The following BMERB1 variants were observed in gnomAD, a reference collection of about 807,000 sequenced individuals.
BMERB1 encodes bMERB domain containing 1, also known as bMERB domain-containing protein 1.
BMERB1 carries 12 observed loss-of-function variants against 23.6 expected under a neutral mutation model. That is an observed-to-expected ratio of 0.51 (90% confidence interval 0.33 to 0.82). BMERB1 has a LOEUF of 0.82. BMERB1 is among the 40% of genes least tolerant of loss of function. The pLI is 0.03. For synonymous variants in BMERB1, 122 were observed against 96.6 expected (o/e 1.26, Z -1.54); for missense variants, 247 against 255.4 (o/e 0.97, Z 0.22).
intron 1 of BMERB1, among the ~76,000 whole-genome samples, chr16:15,493,154 A>G (rs1041083525): frequency 1.1e-4 from 16 of 152,050 alleles, no homozygotes; most frequent in Non-Finnish European, 2.1e-4. Flanking sequence ...GGAGTTCAAG[A>G]CCAGCCTGAC....
chr16:15,541,070 G>T lies in BMERB1; in HGVS notation c.230+25642G>T, dbSNP rs144330430. ...CCGGAGCCACCCACCCTTCTGCCTG[G>T]CCAATTACAAACTTGGGGGTTCCCA... On this transcript the variant is annotated intron_variant, in intron 2 of 5. Coordinates refer to ENST00000300006, the MANE Select transcript of BMERB1 (RefSeq NM_033201.3). Among the ~76,000 whole-genome samples the T allele has an allele frequency of 4.4e-3, 670 of 152,060 alleles. 10 individuals are homozygous for T. Among genetic ancestry groups the T allele is most frequent in the Middle Eastern group, 0.017 (5 of 294 alleles).
In BMERB1 at chr16:15,450,187, G is replaced by A. The variant is rs554560852; in HGVS notation, c.106+15428G>A. Among the ~76,000 whole-genome samples the A allele has an allele frequency of 2.0e-5, 3 of 152,300 alleles. No individual in the cohort carries two copies. In the East Asian group the frequency reaches 5.8e-4, roughly 29 times the overall value. On this transcript the variant is annotated intron_variant, in intron 1 of 5. Transcript: ENST00000300006. ...AGCTGCCATAGACAGGCACCTAAGT[G>A]AATGGATGTGGCTATGTTTTGTTTC...
intron 3 of BMERB1, among the ~76,000 whole-genome samples, chr16:15,570,639 G>A (rs370097375): frequency 1.5e-4 from 23 of 152,280 alleles, no homozygotes; most frequent in East Asian, 9.6e-4. Context: ...GGGCGAGTCC[G>A]TAAAGTGAAA....
At chr16:15,471,735 A>G (rs2051230689) in intron 1 of BMERB1, among the ~76,000 whole-genome samples, 1 of 151,936 alleles carries the variant, frequency 6.6e-6, no homozygotes, top group Non-Finnish European at 1.5e-5. Context: ...ACAAGCATGC[A>G]CCACCACGCC....
Position 15,444,090 on chromosome 16 carries a change from T to C in BMERB1, c.106+9331T>C, listed in dbSNP as rs2050965303. Among the ~76,000 whole-genome samples, 3 of 137,988 alleles carry C rather than the reference T, an allele frequency of 2.2e-5. No individual in the cohort carries two copies. The Admixed American group carries it at 2.3e-4, about 11-fold the overall frequency. 90.5% of individuals were successfully genotyped at this position (137,988 alleles called of 152,430 possible). ...TGTCTGCCCCAGGCACAGAGGTGAA[T>C]ATTCCAAAGGCCAGGGTCCAGGCAC... On this transcript the variant is annotated intron_variant, in intron 1 of 5. Coordinates refer to ENST00000300006, the MANE Select transcript of BMERB1 (RefSeq NM_033201.3).
intron 1 of BMERB1, among the ~76,000 whole-genome samples, chr16:15,444,020 G>A (rs563811640): frequency 6.6e-6 from 1 of 151,468 alleles, no homozygotes; most frequent in Admixed American, 6.6e-5. Context: ...GGCTAAACAG[G>A]GTTTCAAAAG....
chr16:15,469,374 A>G (rs1157042211), intron 1 of BMERB1, among the ~76,000 whole-genome samples: 2 of 152,224 alleles, frequency 1.3e-5, no homozygotes, highest in Non-Finnish European at 2.9e-5. Context: ...GTAACACAGT[A>G]ACACAGTCTT....
chr16:15,525,112 A>G (rs1033408872), intron 2 of BMERB1, among the ~76,000 whole-genome samples: 1 of 152,138 alleles, frequency 6.6e-6, no homozygotes, highest in Non-Finnish European at 1.5e-5. Context: ...TAAACTGAGT[A>G]AAGCAGACTG....
At chr16:15,542,795 G>A (rs1020455875) in intron 2 of BMERB1, among the ~76,000 whole-genome samples, 1 of 152,020 alleles carries the variant, frequency 6.6e-6, no homozygotes. Flanking sequence ...GGTGTGGCTC[G>A]CTTACTTGGC....
intron 1 of BMERB1, among the ~76,000 whole-genome samples, chr16:15,463,406 G>A (rs1461328550): frequency 6.6e-6 from 1 of 152,110 alleles, no homozygotes; most frequent in Non-Finnish European, 1.5e-5. Context: ...AAATACGCTT[G>A]AAGGCATCCT....
rs561024592 is a variant in BMERB1 at position 15,510,384 on chromosome 16, G to A, written c.107-4921G>A. Reference sequence around the variant, plus strand: ...CAGCGCTGAGCCTTTGTTTCTTTGCGAAAATGAGAACCTACTGAACTTGCT... The same window carrying A: ...CAGCGCTGAGCCTTTGTTTCTTTGCAAAAATGAGAACCTACTGAACTTGCT... On this transcript the variant is annotated intron_variant, in intron 1 of 5. Transcript: ENST00000300006. Among the ~76,000 whole-genome samples, 17 of 152,244 alleles carry A rather than the reference G, an allele frequency of 1.1e-4. No individual in the cohort carries two copies. The East Asian group carries it at 2.5e-3, about 23-fold the overall frequency.
chr16:15,516,433 T>C (rs772909535), intron 2 of BMERB1, among the ~76,000 whole-genome samples: 2 of 151,774 alleles, frequency 1.3e-5, no homozygotes, highest in African/African-American at 4.8e-5. Context: ...AAGAAAAAAA[T>C]TAAAAATACA....
chr16:15,557,684 G>C (rs947931562), intron 2 of BMERB1, among the ~76,000 whole-genome samples: 1 of 152,172 alleles, frequency 6.6e-6, no homozygotes, highest in African/African-American at 2.4e-5. Flanking sequence ...AAACTGCAGT[G>C]CAGAAACTGG....
At chr16:15,513,103 C>CT (rs2051692832) in intron 1 of BMERB1, among the ~76,000 whole-genome samples, 1 of 152,042 alleles carries the variant, frequency 6.6e-6, no homozygotes, top group South Asian at 2.1e-4. Flanking sequence ...TGCCCCGAGT[C>CT]TCCCCCACTA....
chr16:15,522,183 A>C (rs1446129583), intron 2 of BMERB1, among the ~76,000 whole-genome samples: 1 of 152,156 alleles, frequency 6.6e-6, no homozygotes, highest in Non-Finnish European at 1.5e-5. Context: ...ATGCCCTGCC[A>C]CTCAGCTTGC....
At chr16:15,444,152 G>GTTTTT (rs2050970099) in intron 1 of BMERB1, among the ~76,000 whole-genome samples, 1 of 19,842 alleles carries the variant, frequency 5.0e-5, no homozygotes, top group Non-Finnish European at 1.1e-4. Context: ...TTTTTTTTTG[G>GTTTTT]CTGTTTCTTT....
At chr16:15,522,092 A>G (rs2051860048) in intron 2 of BMERB1, among the ~76,000 whole-genome samples, 1 of 152,146 alleles carries the variant, frequency 6.6e-6, no homozygotes, top group South Asian at 2.1e-4. Flanking sequence ...ATAATTAAGT[A>G]TCTTTGGCCT....
At chr16:15,483,507 G>A (rs1482066246) in intron 1 of BMERB1, among the ~76,000 whole-genome samples, 1 of 152,098 alleles carries the variant, frequency 6.6e-6, no homozygotes, top group Non-Finnish European at 1.5e-5. Context: ...AGCCTCTCAA[G>A]TAGCTGGGGT....
At chr16:15,454,250 G>C (rs147634664) in intron 1 of BMERB1, among the ~76,000 whole-genome samples, 1 of 152,200 alleles carries the variant, frequency 6.6e-6, no homozygotes, top group African/African-American at 2.4e-5. Context: ...CTACAGTCAC[G>C]AGAATAGGAT....
Sources: gnomAD v4.1 joint callset for allele counts (sites outside exome capture counted in the v4.1 genomes callset) on GRCh38, gnomAD v4.1.1 for gene constraint, MANE v1.5 for transcripts, NCBI Gene and HGNC (gene_info 2026-07-23, HGNC 2026-07-21) for gene names.